ZNF407: variants seen among roughly 807,000 people sequenced by gnomAD.
ZNF407 encodes zinc finger protein 407.
In ZNF407, 17 loss-of-function variants were observed where a neutral mutation model predicts 131.2. The ratio of observed to expected loss-of-function variants is 0.13; its 90% CI spans 0.09 to 0.19. The LOEUF (loss-of-function observed/expected upper bound fraction) is 0.19, where lower values mean the gene tolerates loss of function less well. ZNF407 is among the 10% of genes least tolerant of loss of function. ZNF407 has a pLI of 1.00. For synonymous variants in ZNF407, 1,156 were observed against 1,062.0 expected, an observed-to-expected ratio of 1.09 and a Z score of -1.72; for missense variants, 2,681 against 2,830.6, an observed-to-expected ratio of 0.95 and a Z score of 1.20.
chr18:74,747,574 C>G (rs1968699128), intron 3 of ZNF407, among the ~76,000 whole-genome samples: 1 of 151,880 alleles, frequency 6.6e-6, no homozygotes, highest in African/African-American at 2.4e-5. Context: ...TTTCAAACCA[C>G]TGATTCTGTG....
chr18:74,699,145 A>G (rs1002989601), intron 3 of ZNF407, among the ~76,000 whole-genome samples: 2 of 152,128 alleles, frequency 1.3e-5, no homozygotes, highest in Non-Finnish European at 2.9e-5. Flanking sequence ...CTCACATTTC[A>G]AATATCTTTG....
intron 3 of ZNF407, among the ~76,000 whole-genome samples, chr18:74,776,511 A>G (rs950479357): frequency 6.6e-6 from 1 of 152,222 alleles, no homozygotes; most frequent in Non-Finnish European, 1.5e-5. Flanking sequence ...GCTAATCAGC[A>G]CACACATGAC....
intron 8 of ZNF407, among the ~76,000 whole-genome samples, chr18:74,993,386 A>C (rs1300012838): frequency 6.6e-6 from 1 of 152,232 alleles, no homozygotes; most frequent in Non-Finnish European, 1.5e-5. Flanking sequence ...AAGCGCAGAC[A>C]CAGAAGAGTG....
intron 3 of ZNF407, among the ~76,000 whole-genome samples, chr18:74,687,240 C>G (rs182052239): frequency 6.6e-6 from 1 of 152,170 alleles, no homozygotes; most frequent in East Asian, 1.9e-4. Context: ...GCCAGGTCCT[C>G]GAGAGGCTGA....
At chr18:74,765,530 G>C (rs1969209083) in intron 3 of ZNF407, among the ~76,000 whole-genome samples, 1 of 152,228 alleles carries the variant, frequency 6.6e-6, no homozygotes, top group African/African-American at 2.4e-5. Flanking sequence ...AGAACTTGCT[G>C]TGTGCCCCTT....
Position 74,940,900 on chromosome 18 carries a change from G to C in ZNF407, c.5428+20208G>C, listed in dbSNP as rs146539934. On this transcript the variant is annotated intron_variant, in intron 8 of 8. Coordinates refer to ENST00000299687, the MANE Select transcript of ZNF407 (RefSeq NM_017757.3). ...GGAGCTCATAGTTCTTGGGTGTACT[G>C]CTCAGTTTTCTTTGGTTGTTTGTTC... Among the ~76,000 whole-genome samples the C allele has an allele frequency of 5.6e-3, 852 of 152,296 alleles. 7 individuals carry two copies. Among genetic ancestry groups the C allele is most frequent in the African/African-American group, 0.017 (722 of 41,558 alleles).
At chr18:74,713,354 G>A (rs1037804562) in intron 3 of ZNF407, among the ~76,000 whole-genome samples, 3 of 122,236 alleles carry the variant, frequency 2.5e-5, no homozygotes, top group East Asian at 2.5e-4. Flanking sequence ...GAACATTTTA[G>A]CATCTTTTTT....
chr18:75,058,875 C>A (rs75694090), intron 8 of ZNF407, among the ~76,000 whole-genome samples: 1 of 152,200 alleles, frequency 6.6e-6, no homozygotes, highest in Non-Finnish European at 1.5e-5. Flanking sequence ...ATTAATTCAT[C>A]ATGGTTGAAA....
chr18:75,029,218 A>G (rs1033220189), intron 8 of ZNF407, among the ~76,000 whole-genome samples: 1 of 152,196 alleles, frequency 6.6e-6, no homozygotes, highest in Non-Finnish European at 1.5e-5. Context: ...GAATAAGGTA[A>G]AGTTCAGAAG....
chr18:74,772,197 T>C (rs1465348905), intron 3 of ZNF407, among the ~76,000 whole-genome samples: 2 of 152,226 alleles, frequency 1.3e-5, no homozygotes, highest in East Asian at 3.8e-4. Flanking sequence ...ATGCCCAAAC[T>C]GCATGCTCAT....
chr18:74,637,933 C>A (rs1386034605), intron 2 of ZNF407, among the ~76,000 whole-genome samples: 3 of 152,196 alleles, frequency 2.0e-5, no homozygotes, highest in Non-Finnish European at 4.4e-5. Flanking sequence ...CGTGTGCATG[C>A]TACTACGAAG....
chr18:74,632,683 T>A lies in ZNF407; in HGVS notation c.1664T>A (p.Met555Lys). The stretch of plus-strand genomic sequence containing the variant: ...GTGAAAAGGTGCCATGCCAGAGAGA[T>A]GAAATTTTACTGCCGTACTTGTGAC... ...IHVKRCHARE[M>K]KFYCRTCDFS... The change falls in exon 2 of 9, where the codon ATG becomes AAG. Residue 555 changes from methionine (M) to lysine (K), a missense_variant. This residue lies in a region of ZNF407 where 1,789 missense variants were observed against 1,748.7 expected (regional missense o/e 1.02). Coordinates refer to ENST00000299687, the MANE Select transcript of ZNF407 (RefSeq NM_017757.3). 1 of 1,613,950 alleles carries A rather than the reference T, an allele frequency of 6.2e-7. No homozygotes were observed. The highest frequency in any genetic ancestry group is 8.5e-7 in the Non-Finnish European group (1 of 1,179,858).
At chr18:74,955,789 T>C (rs76337687) in intron 8 of ZNF407, among the ~76,000 whole-genome samples, 1,652 of 152,262 alleles carry the variant, frequency 0.011, 33 homozygotes, top group African/African-American at 0.037. Context: ...TCTTCCGATG[T>C]TTGTGAGGTC....
At position 74,641,029 on chromosome 18, in the gene ZNF407, A is replaced by C. The variant is rs367575524; in HGVS notation, c.4709A>C (p.Lys1570Thr). The C allele has an allele frequency of 6.2e-7, 1 of 1,613,164 alleles. No individual in the cohort carries two copies. The highest frequency in any genetic ancestry group is 1.3e-5 in the African/African-American group (1 of 74,896). Residue 1570 changes from lysine (K) to threonine (T), a missense_variant, in exon 3 of 9, where the codon AAG becomes ACG. By Grantham distance (78) the Lys-to-Thr change is moderately conservative (BLOSUM62 -1). Around this residue, in one of 6 missense-constraint regions of ZNF407, gnomAD observed 213 missense variants for 332.2 expected, o/e 0.64. Coordinates refer to ENST00000299687, the MANE Select transcript of ZNF407 (RefSeq NM_017757.3). ...THTGSKPFKC[K>T]ICHFATAQLG... The stretch of plus-strand genomic sequence containing the variant: ...TCAGGATCAAAACCATTCAAGTGCA[A>C]GATATGCCATTTTGCAACAGCTCAG...
rs749605918 is a variant in ZNF407, at chr18:74,920,505, A to T, written c.5250-9A>T. Reference sequence around the variant, plus strand: ...TTAATTAGATTTACTTTTCTGTCTTACTTGGTAGGTCAAACTGTGCTGAAA... The same window carrying T: ...TTAATTAGATTTACTTTTCTGTCTTTCTTGGTAGGTCAAACTGTGCTGAAA... On this transcript the variant is annotated splice_polypyrimidine_tract_variant and intron_variant, in intron 7 of 8. Transcript: ENST00000299687. The T allele has an allele frequency of 1.3e-6, 2 of 1,566,614 alleles. No individual in the cohort carries two copies. The highest frequency in any genetic ancestry group is 1.4e-5 in the African/African-American group (1 of 73,962).
At chr18:74,892,175 TAGG>T (rs1971394367) in intron 7 of ZNF407, among the ~76,000 whole-genome samples, 1 of 152,172 alleles carries the variant, frequency 6.6e-6, no homozygotes. Context: ...AGTTTTTAAA[TAGG>T]AGGAGTTGTT....
chr18:74,889,168 T>G (rs984486164), intron 6 of ZNF407, among the ~76,000 whole-genome samples: 1 of 152,202 alleles, frequency 6.6e-6, no homozygotes, highest in African/African-American at 2.4e-5. Context: ...TAGTAGGTTG[T>G]TTCGTCTAGG....
intron 4 of ZNF407, among the ~76,000 whole-genome samples, chr18:74,865,347 C>T (rs970000552): frequency 7.2e-5 from 11 of 152,116 alleles, no homozygotes; most frequent in South Asian, 2.1e-4. Context: ...AACTAGCAAG[C>T]GATTTAACTT....
At chr18:74,827,044 G>A (rs1970419187) in intron 4 of ZNF407, among the ~76,000 whole-genome samples, 1 of 152,208 alleles carries the variant, frequency 6.6e-6, no homozygotes, top group South Asian at 2.1e-4. Flanking sequence ...AAGACCAGTT[G>A]TCACGTCTTC....
Sources: allele counts gnomAD v4.1 joint callset (sites outside exome capture counted in the v4.1 genomes callset), GRCh38; gene constraint gnomAD v4.1.1; regional missense constraint gnomAD v4.1.1; transcripts MANE v1.5; gene names NCBI Gene and HGNC (gene_info 2026-07-23, HGNC 2026-07-21).